Variants in MAGI3 observed in about 807,000 individuals in gnomAD.
The protein encoded by MAGI3 is membrane associated guanylate kinase, WW and PDZ domain containing 3.
Under a neutral mutation model 121.8 loss-of-function variants are expected in MAGI3, and 43 were observed. The observed-to-expected ratio is 0.35, with a 90% CI of 0.28 to 0.46. The LOEUF (loss-of-function observed/expected upper bound fraction) is 0.46, where lower values mean the gene tolerates loss of function less well. MAGI3 is among the 20% of genes least tolerant of loss of function. MAGI3 has a pLI of 1.00. For missense variants in MAGI3, 1,547 were observed against 1,797.3 expected (o/e 0.86, Z 2.52); for synonymous variants, 553 against 639.3 (o/e 0.86, Z 2.04).
chr1:113,625,114 A>C (rs558080884), intron 9 of MAGI3, among the ~76,000 whole-genome samples: 223 of 152,298 alleles, frequency 1.5e-3, no homozygotes, highest in African/African-American at 5.2e-3. Context: ...GTATAATTTG[A>C]AGTCAGGTAA....
chr1:113,651,063 G>C lies in MAGI3; in HGVS notation c.2297G>C (p.Arg766Pro), dbSNP rs759189272. Reference protein sequence around the residue: ...IPLGAAEKDGRLRAADELMCI... With the variant: ...IPLGAAEKDGPLRAADELMCI... Reference sequence around the variant, plus strand: ...CTGGGAGCAGCTGAGAAAGATGGTCGGCTCCGCGCAGCTGATGAACTAATG... The same window carrying C: ...CTGGGAGCAGCTGAGAAAGATGGTCCGCTCCGCGCAGCTGATGAACTAATG... Residue 766 changes from arginine (R) to proline (P), a missense_variant, in exon 14 of 21, where the codon CGG (arginine) becomes CCG (proline). Coordinates refer to ENST00000307546, the MANE Select transcript of MAGI3 (RefSeq NM_001142782.2). The C allele has an allele frequency of 8.7e-6, 14 of 1,614,046 alleles. No homozygotes were observed. The highest frequency in any genetic ancestry group is 1.1e-5 in the Non-Finnish European group (13 of 1,179,980).
chr1:113,608,281 A>G (rs1649915161), intron 6 of MAGI3, among the ~76,000 whole-genome samples: 1 of 152,182 alleles, frequency 6.6e-6, no homozygotes, highest in African/African-American at 2.4e-5. Flanking sequence ...AAAAGAAAGA[A>G]GCTACTCTAT....
chr1:113,558,326 A>T (rs145081306), intron 2 of MAGI3, among the ~76,000 whole-genome samples: 3 of 152,208 alleles, frequency 2.0e-5, no homozygotes, highest in African/African-American at 7.2e-5. Flanking sequence ...ATAGAACAGT[A>T]CAGGAGCTGA....
intron 1 of MAGI3, among the ~76,000 whole-genome samples, chr1:113,473,837 G>A (rs1021337486): frequency 1.3e-5 from 2 of 152,110 alleles, no homozygotes; most frequent in African/African-American, 2.4e-5. Context: ...TTGAGGAATC[G>A]CCACACTGTC....
At chr1:113,678,113 GTT>G (rs11447632) in intron 19 of MAGI3, among the ~76,000 whole-genome samples, 10 of 147,424 alleles carry the variant, frequency 6.8e-5, no homozygotes, top group African/African-American at 2.2e-4. Context: ...AGTTTTTGTT[GTT>G]TTTTTTTTTT....
chr1:113,569,679 A>G (rs1212043195), intron 2 of MAGI3, among the ~76,000 whole-genome samples: 1 of 152,138 alleles, frequency 6.6e-6, no homozygotes, highest in Non-Finnish European at 1.5e-5. Flanking sequence ...CTTCATCAAT[A>G]CTAAGACAGT....
chr1:113,533,785 CTTT>C (rs77624151), intron 1 of MAGI3, among the ~76,000 whole-genome samples: 8 of 135,286 alleles, frequency 5.9e-5, no homozygotes, highest in Admixed American at 1.5e-4. Flanking sequence ...TTTTCTTTTT[CTTT>C]TTTTTTTTTT....
At chr1:113,425,230 G>A (rs1652939033) in intron 1 of MAGI3, among the ~76,000 whole-genome samples, 1 of 150,994 alleles carries the variant, frequency 6.6e-6, no homozygotes, top group African/African-American at 2.4e-5. Flanking sequence ...AATAGGCTAG[G>A]CCTGGAGATT....
At chr1:113,638,906 G>A (rs1241978649) in intron 9 of MAGI3, among the ~76,000 whole-genome samples, 1 of 152,250 alleles carries the variant, frequency 6.6e-6, no homozygotes, top group Non-Finnish European at 1.5e-5. Context: ...CTTCCCGGCT[G>A]CTTTGTTTAC....
At chr1:113,601,296 A>G (rs12065937) in intron 6 of MAGI3, among the ~76,000 whole-genome samples, 1,991 of 152,242 alleles carry the variant, frequency 0.013, 15 homozygotes, top group Middle Eastern at 0.017. Flanking sequence ...CCTACAAAAC[A>G]GGAGAAAATT....
chr1:113,490,114 T>G (rs1350626295), intron 1 of MAGI3, among the ~76,000 whole-genome samples: 1 of 151,908 alleles, frequency 6.6e-6, no homozygotes, highest in East Asian at 1.9e-4. Flanking sequence ...TCAAAATGAA[T>G]GAAAAAAATG....
At chr1:113,638,892 C>G (rs896561600) in intron 9 of MAGI3, among the ~76,000 whole-genome samples, 4 of 151,950 alleles carry the variant, frequency 2.6e-5, no homozygotes, top group African/African-American at 9.7e-5. Flanking sequence ...CCACCCAGTT[C>G]GAGCTTCCCG....
chr1:113,648,013 C>G (rs1404658326), intron 12 of MAGI3, among the ~76,000 whole-genome samples: 1 of 151,914 alleles, frequency 6.6e-6, no homozygotes, highest in African/African-American at 2.4e-5. Context: ...ACCTCTGCCT[C>G]CTAGGTTCAA....
intron 1 of MAGI3, among the ~76,000 whole-genome samples, chr1:113,509,948 C>T (rs1657534357): frequency 6.6e-6 from 1 of 151,614 alleles, no homozygotes; most frequent in Non-Finnish European, 1.5e-5. Flanking sequence ...GCCCAGCCTC[C>T]CAGAAGCCTC....
chr1:113,684,042 G>T lies in MAGI3; in HGVS notation c.*28G>T. The T allele has an allele frequency of 6.1e-6, 9 of 1,463,572 alleles. No individual in the cohort carries two copies. Among genetic ancestry groups the T allele is most frequent in the South Asian group, 3.0e-5 (2 of 66,518 alleles). The allele number at this position is 1,463,572 out of a possible 1,614,324, so 90.7% of individuals were successfully genotyped here. A position where few individuals can be genotyped will look rare whatever the true frequency, so the allele number is the denominator to read the frequency against. On this transcript the variant is annotated 3_prime_UTR_variant, in exon 21 of 21. Coordinates refer to ENST00000307546, the MANE Select transcript of MAGI3 (RefSeq NM_001142782.2). ...TTTAGTATAAAACAAAGAAAAACAA[G>T]TTGTAATCTTTTCTTACAGCAGCAT...
At chr1:113,463,065 A>T (rs1655109090) in intron 1 of MAGI3, among the ~76,000 whole-genome samples, 1 of 152,136 alleles carries the variant, frequency 6.6e-6, no homozygotes, top group Admixed American at 6.6e-5. Flanking sequence ...AATTCATGAA[A>T]TATCAATCCT....
At chr1:113,636,023 T>G (rs1236870370) in intron 9 of MAGI3, among the ~76,000 whole-genome samples, 1 of 152,308 alleles carries the variant, frequency 6.6e-6, no homozygotes, top group East Asian at 1.9e-4. Context: ...TAGAGGTGTT[T>G]GTAGTATTCT....
rs527757658 is a variant in MAGI3 at position 113,432,508 on chromosome 1, GA to G, written c.316+41160del. 3.3e-4 allele frequency among the ~76,000 whole-genome samples: 50 copies of G among 152,184 alleles called. No homozygotes were observed. In the South Asian group the frequency reaches 9.6e-3, roughly 29 times the overall value. On this transcript the variant is annotated intron_variant, in intron 1 of 20. Transcript: ENST00000307546. Reference sequence around the variant, plus strand: ...TAAGGGCATTTGTTTATGACCGTAGGATAGGGAAGGGTTGTTTTTAAATTTT... The same window carrying G: ...TAAGGGCATTTGTTTATGACCGTAGGTAGGGAAGGGTTGTTTTTAAATTTT...
At chr1:113,564,304 CTT>C (rs1336424647) in intron 2 of MAGI3, among the ~76,000 whole-genome samples, 1 of 152,120 alleles carries the variant, frequency 6.6e-6, no homozygotes, top group African/African-American at 2.4e-5. Context: ...TACAGTATCA[CTT>C]ATGGTTGATT....
Sources: allele counts gnomAD v4.1 joint callset (sites outside exome capture counted in the v4.1 genomes callset), GRCh38; gene constraint gnomAD v4.1.1; transcripts MANE v1.5; gene names NCBI Gene and HGNC (gene_info 2026-07-23, HGNC 2026-07-21).